Variants in DNAH11 observed in about 807,000 individuals in gnomAD.
The protein encoded by DNAH11 is axonemal beta dynein heavy chain 11.
Under a neutral mutation model 526.0 loss-of-function variants are expected in DNAH11, and 442 were observed. That is an observed-to-expected ratio of 0.84 (90% CI 0.78 to 0.91). The LOEUF (loss-of-function observed/expected upper bound fraction) is 0.91, where lower values mean the gene tolerates loss of function less well. Ranked by LOEUF, DNAH11 falls within the 40% of genes least tolerant of loss-of-function variation. DNAH11 has a pLI of 0.00. For missense variants in DNAH11, 6,989 were observed against 5,448.7 expected, an observed-to-expected ratio of 1.28 and a Z score of -8.90; for synonymous variants, 2,461 against 1,935.9, an observed-to-expected ratio of 1.27 and a Z score of -7.12.
chr7:21,655,895 G>A lies in DNAH11; in HGVS notation c.5008G>A (p.Asp1670Asn), dbSNP rs914450973. ...AGATCTGCAGTTTGAAGACAATCAGGATGTTTCTGCACACAGGGCAGTTGG... is the reference window on the plus strand; with the variant it reads ...AGATCTGCAGTTTGAAGACAATCAGAATGTTTCTGCACACAGGGCAGTTGG... ...IADLQFEDNQ[D>N]VSAHRAVGMY... is the part of the protein sequence containing the mutation. The change falls in exon 29 of 82, where the codon GAT (aspartate) becomes AAT (asparagine). Residue 1670 changes from aspartate (D) to asparagine (N), a missense_variant. Asp to Asn is a conservative substitution (Grantham distance 23, BLOSUM62 1). Coordinates refer to ENST00000409508, the MANE Select transcript of DNAH11 (RefSeq NM_001277115.2). 1 of 1,613,360 alleles carries A rather than the reference G, an allele frequency of 6.2e-7. No individual in the cohort carries two copies. Among genetic ancestry groups the A allele is most frequent in the Non-Finnish European group, 8.5e-7 (1 of 1,179,578 alleles).
rs1583480744 is a variant in DNAH11 at position 21,559,672 on chromosome 7, C to G, written c.762C>G (p.Ile254Met). Residue 254 changes from isoleucine to methionine, a missense_variant, in exon 4 of 82, where the codon ATC becomes ATG. Physicochemically the swap from Ile to Met is conservative, Grantham distance 10. Coordinates refer to ENST00000409508, the MANE Select transcript of DNAH11 (RefSeq NM_001277115.2). Reference protein sequence around the residue: ...ESVVIEWSHQIQEIIERDSVQ... With the variant: ...ESVVIEWSHQMQEIIERDSVQ... The stretch of plus-strand genomic sequence containing the variant: ...TGGTTATTGAATGGTCACATCAAAT[C>G]CAAGAAATTATAGAAAGAGATTCAG... 2.5e-6 allele frequency: 4 copies of G among 1,611,810 alleles called. No individual in the cohort carries two copies. In the East Asian group the frequency reaches 8.9e-5, roughly 36 times the overall value.
Position 21,873,380 on chromosome 7 carries a change from C to T in DNAH11, c.12074C>T (p.Ala4025Val). ...AGGGTTTTCATGAGTGCTGAGTCTG[C>T]ACCTACACCAGATGAGCATATCATC... ...DYRVFMSAES[A>V]PTPDEHIIPQ... is the part of the protein sequence containing the mutation. Residue 4025 changes from alanine to valine, a missense_variant, in exon 74 of 82, where the codon GCA becomes GTA. Ala to Val is a moderately conservative substitution (Grantham distance 64). Transcript: ENST00000409508. 6 of 1,613,936 alleles carry T rather than the reference C, an allele frequency of 3.7e-6. No homozygotes were observed. Among genetic ancestry groups the T allele is most frequent in the African/African-American group, 2.7e-5 (2 of 75,058 alleles).
At chr7:21,829,003 G>C (rs1790431488) in intron 65 of DNAH11, among the ~76,000 whole-genome samples, 1 of 152,088 alleles carries the variant, frequency 6.6e-6, no homozygotes, top group Non-Finnish European at 1.5e-5. Flanking sequence ...TTCGGGAAAT[G>C]GGTTTGACCA....
intron 65 of DNAH11, among the ~76,000 whole-genome samples, chr7:21,825,752 G>A (rs1790258439): frequency 1.3e-5 from 2 of 152,030 alleles, no homozygotes; most frequent in Non-Finnish European, 2.9e-5. Context: ...GAGGTCAGGA[G>A]ATCGAGACCA....
chr7:21,886,278 C>T (rs948230168), intron 76 of DNAH11, among the ~76,000 whole-genome samples: 2 of 152,008 alleles, frequency 1.3e-5, no homozygotes, highest in East Asian at 1.9e-4. Context: ...TCACTAAAAT[C>T]ATATTAGTCT....
intron 26 of DNAH11, among the ~76,000 whole-genome samples, chr7:21,636,376 G>A (rs1786865373): frequency 6.6e-6 from 1 of 152,100 alleles, no homozygotes; most frequent in African/African-American, 2.4e-5. Flanking sequence ...TGTAGACACT[G>A]AAATTTGAAT....
chr7:21,900,869 C>A, intron 81 of DNAH11, 138 bp from the exon 82 acceptor site: 1 of 1,394,840 alleles, frequency 7.2e-7, no homozygotes, highest in Non-Finnish European at 9.6e-7. Flanking sequence ...GTCCGGCCAG[C>A]TCAGTAAAAA....
At chr7:21,593,514 TG>T (rs1351882875) in intron 14 of DNAH11, among the ~76,000 whole-genome samples, 1 of 152,082 alleles carries the variant, frequency 6.6e-6, no homozygotes, top group Non-Finnish European at 1.5e-5. Flanking sequence ...GATGTTTGTA[TG>T]TTAACTGCAG....
Position 21,702,777 on chromosome 7 carries a change from G to A in DNAH11, c.6248G>A (p.Gly2083Glu). Residue 2083 changes from glycine (G) to glutamate (E), a missense_variant, in exon 37 of 82, where the codon GGA (glycine) becomes GAA (glutamate). Physicochemically the swap from Gly to Glu is moderately conservative, Grantham distance 98. Transcript: ENST00000409508. ...GTTGTGGCTGGATCTCTGAAACGAG[G>A]AGATAAAAATAGACCCGAAGATCAG... is the stretch of plus-strand genomic sequence containing the variant. The part of the protein sequence containing the change: ...VLVVAGSLKR[G>E]DKNRPEDQVL... 1 of 1,613,416 alleles carries A rather than the reference G, an allele frequency of 6.2e-7. No individual in the cohort carries two copies. Among genetic ancestry groups the A allele is most frequent in the South Asian group, 1.1e-5 (1 of 90,980 alleles).
In DNAH11 at chr7:21,894,711, C is replaced by T. The variant is rs1784445849; in HGVS notation, c.12839C>T (p.Pro4280Leu). Reference sequence around the variant, plus strand: ...ATGCAAAAAAATTCAAATAGAAGCCCATATGTTCTTGTTTGCTTCCAAGAA... The same window carrying T: ...ATGCAAAAAAATTCAAATAGAAGCCTATATGTTCTTGTTTGCTTCCAAGAA... Reference protein sequence around the residue: ...EIMQKNSNRSPYVLVCFQECE... With the variant: ...EIMQKNSNRSLYVLVCFQECE... The change falls in exon 78 of 82, where the codon CCA (proline) becomes CTA (leucine). Residue 4280 changes from proline to leucine, a missense_variant. Pro to Leu is a moderately conservative substitution (Grantham distance 98). Coordinates refer to ENST00000409508, the MANE Select transcript of DNAH11 (RefSeq NM_001277115.2). 1.2e-6 allele frequency: 2 copies of T among 1,613,802 alleles called. No individual in the cohort carries two copies. The highest frequency in any genetic ancestry group is 1.7e-6 in the Non-Finnish European group (2 of 1,179,852).
At chr7:21,823,806 G>A (rs979205400) in intron 65 of DNAH11, among the ~76,000 whole-genome samples, 16 of 152,174 alleles carry the variant, frequency 1.1e-4, no homozygotes, top group Admixed American at 2.6e-4. Context: ...AACACCTTTC[G>A]AAATGTGTTA....
chr7:21,785,666 A>G (rs1453285046), intron 58 of DNAH11, among the ~76,000 whole-genome samples: 2 of 149,106 alleles, frequency 1.3e-5, no homozygotes, highest in Non-Finnish European at 3.0e-5. Flanking sequence ...TACTCAGGCA[A>G]AATAGCTCCA....
In DNAH11 at chr7:21,881,124, T is replaced by TAA. The variant is rs34933143; in HGVS notation, c.12387+239_12387+240dup. Among the ~76,000 whole-genome samples, 11 of 150,938 alleles carry TAA rather than the reference T, an allele frequency of 7.3e-5. No homozygotes were observed. The South Asian group carries it at 1.5e-3, about 20-fold the overall frequency. On this transcript the variant is annotated intron_variant, in intron 75 of 81. Coordinates refer to ENST00000409508, the MANE Select transcript of DNAH11 (RefSeq NM_001277115.2). ...CCAGTTCTACATCAGCAGCTTAGTG[T>TAA]AAAAAAAAACAAAAAATGTCCTTCA...
At chr7:21,554,398 G>A (rs911986824) in intron 2 of DNAH11, among the ~76,000 whole-genome samples, 2 of 151,850 alleles carry the variant, frequency 1.3e-5, no homozygotes, top group East Asian at 3.9e-4. Context: ...TGGTCTTGAG[G>A]CCCTGACCTC....
chr7:21,584,977 A>G (rs2128441753), intron 9 of DNAH11, among the ~76,000 whole-genome samples: 1 of 152,168 alleles, frequency 6.6e-6, no homozygotes, highest in East Asian at 1.9e-4. Context: ...AATCTCAATT[A>G]CAGAGGCTCC....
intron 68 of DNAH11, among the ~76,000 whole-genome samples, chr7:21,860,626 A>G (rs1399331116): frequency 2.0e-5 from 3 of 152,188 alleles, no homozygotes; most frequent in Non-Finnish European, 4.4e-5. Context: ...AAAATGAACA[A>G]ATTTCTCATA....
At chr7:21,622,798 A>C (rs1229550771) in intron 25 of DNAH11, among the ~76,000 whole-genome samples, 1 of 152,124 alleles carries the variant, frequency 6.6e-6, no homozygotes, top group East Asian at 1.9e-4. Context: ...CCTTCCTTAC[A>C]CCTTATACAA....
chr7:21,629,871 T>G (rs1264815865), intron 25 of DNAH11, among the ~76,000 whole-genome samples: 1 of 152,138 alleles, frequency 6.6e-6, no homozygotes, highest in African/African-American at 2.4e-5. Flanking sequence ...TCTTTAGCTA[T>G]TCAGCCACTT....
chr7:21,638,355 C>T lies in DNAH11; in HGVS notation c.4818-584C>T, dbSNP rs17144830. 7.7e-3 allele frequency among the ~76,000 whole-genome samples: 1,165 copies of T among 152,080 alleles called. 41 individuals carry two copies. The South Asian group carries it at 0.077, about 10-fold the overall frequency. ...AAAGTTTTTTTGGTAACGAAAAGGGCGAAGTTAATTATTTCAGTTGAGTAA... is the reference window on the plus strand; with the variant it reads ...AAAGTTTTTTTGGTAACGAAAAGGGTGAAGTTAATTATTTCAGTTGAGTAA... On this transcript the variant is annotated intron_variant, in intron 27 of 81. Transcript: ENST00000409508.
Sources: allele counts gnomAD v4.1 joint callset (sites outside exome capture counted in the v4.1 genomes callset), GRCh38; gene constraint gnomAD v4.1.1; transcripts MANE v1.5; gene names NCBI Gene and HGNC (gene_info 2026-07-23, HGNC 2026-07-21).